MGAT4C: variants seen among roughly 807,000 people sequenced by gnomAD.
MGAT4C encodes MGAT4 family member C.
A neutral mutation model predicts 40.1 loss-of-function variants in MGAT4C; 19 were observed. That is an observed-to-expected ratio of 0.47 (90% CI 0.33 to 0.70). The LOEUF (loss-of-function observed/expected upper bound fraction) is 0.70, where lower values mean the gene tolerates loss of function less well. MGAT4C is among the 30% of genes least tolerant of loss of function. MGAT4C has a pLI of 0.02. For synonymous variants in MGAT4C, 181 were observed against 187.1 expected, an observed-to-expected ratio of 0.97 and a Z score of 0.27; for missense variants, 491 against 563.2, an observed-to-expected ratio of 0.87 and a Z score of 1.30.
chr12:86,526,494 CTCTCTGCTGG>C (rs1958885522), intron 2 of MGAT4C, among the ~76,000 whole-genome samples: 1 of 152,044 alleles, frequency 6.6e-6, no homozygotes, highest in Non-Finnish European at 1.5e-5. Context: ...CCTGCTGGAG[CTCTCTGCTGG>C]TCAGGAATGG....
In MGAT4C at chr12:86,472,127, G is replaced by A. The variant is rs111342259; in HGVS notation, c.-228-36862C>T. Among the ~76,000 whole-genome samples, 495 of 152,146 alleles carry A rather than the reference G, an allele frequency of 3.3e-3. 2 individuals carry two copies. The highest frequency in any genetic ancestry group is 0.012 in the African/African-American group (478 of 41,496). ...AATTTTTAAAAATGTTCCCATTAGG[G>A]CACCAATTGTAGGATGGAGTGGAAT... On this transcript the variant is annotated intron_variant, in intron 2 of 7. Coordinates refer to the MGAT4C transcript ENST00000548651.
chr12:86,093,027 C>T (rs1873167990), intron 1 of MGAT4C, among the ~76,000 whole-genome samples: 1 of 151,948 alleles, frequency 6.6e-6, no homozygotes, highest in Non-Finnish European at 1.5e-5. Flanking sequence ...CTTGACAGAC[C>T]CCTGTGTGTG....
intron 2 of MGAT4C, among the ~76,000 whole-genome samples, chr12:86,527,083 T>G (rs1363334952): frequency 1.3e-5 from 2 of 152,156 alleles, no homozygotes; most frequent in African/African-American, 4.8e-5. Context: ...TTGTTATGAG[T>G]GCACAAGTCA....
chr12:86,508,745 G>A (rs1486376181), intron 2 of MGAT4C, among the ~76,000 whole-genome samples: 16 of 147,930 alleles, frequency 1.1e-4, no homozygotes, highest in African/African-American at 3.7e-4. Context: ...TTTAATGATC[G>A]CCATTCTAAC....
Position 86,600,558 on chromosome 12 carries a change from A to C in MGAT4C, c.-229+126651T>G, listed in dbSNP as rs374701528. On this transcript the variant is annotated intron_variant, in intron 2 of 7. Coordinates refer to the MGAT4C transcript ENST00000548651. ...ACTGGGCTGTGATCTTCAGCAGCCTATCTCTGGAGACTGGGCTCTTAGCCA... is the reference window on the plus strand; with the variant it reads ...ACTGGGCTGTGATCTTCAGCAGCCTCTCTCTGGAGACTGGGCTCTTAGCCA... Among the ~76,000 whole-genome samples, 6 of 152,198 alleles carry C rather than the reference A, an allele frequency of 3.9e-5. No individual in the cohort carries two copies. The East Asian group carries it at 7.7e-4, about 20-fold the overall frequency.
intron 2 of MGAT4C, among the ~76,000 whole-genome samples, chr12:86,683,446 T>C (rs939021713): frequency 6.6e-6 from 1 of 152,206 alleles, no homozygotes; most frequent in Non-Finnish European, 1.5e-5. Flanking sequence ...TTAAATTTTA[T>C]TGTCTATCCT....
At chr12:86,721,894 A>G (rs1015874200) in intron 2 of MGAT4C, among the ~76,000 whole-genome samples, 7 of 152,092 alleles carry the variant, frequency 4.6e-5, no homozygotes, top group Admixed American at 3.9e-4. Flanking sequence ...CAAATCTGTG[A>G]TTGCGACATT....
intron 3 of MGAT4C, among the ~76,000 whole-genome samples, chr12:86,421,294 A>G (rs1308805786): frequency 1.3e-5 from 2 of 152,196 alleles, no homozygotes; most frequent in Admixed American, 6.5e-5. Flanking sequence ...CTTGCTGGTA[A>G]AGTGACATTT....
chr12:86,096,182 G>A (rs184682954), intron 1 of MGAT4C, among the ~76,000 whole-genome samples: 314 of 151,612 alleles, frequency 2.1e-3, no homozygotes, highest in African/African-American at 7.2e-3. Flanking sequence ...CATCATTTTT[G>A]CCTTAATGCC....
At position 86,228,479 on chromosome 12, in the gene MGAT4C, A is replaced by G. The variant is rs11103894; in HGVS notation, c.-57+27760T>C. Reference sequence around the variant, plus strand: ...AAATATATTTGGTTTGAAATAAGAAAACACCCTTCAAACACAAAGAGAGTT... The same window carrying G: ...AAATATATTTGGTTTGAAATAAGAAGACACCCTTCAAACACAAAGAGAGTT... On this transcript the variant is annotated intron_variant, in intron 1 of 4. Coordinates refer to ENST00000611864, the MANE Select transcript of MGAT4C (RefSeq NM_001351288.2). Among the ~76,000 whole-genome samples the G allele has an allele frequency of 7.3e-3, 1,106 of 151,978 alleles. 64 individuals carry two copies. The East Asian group carries it at 0.16, about 22-fold the overall frequency.
chr12:85,972,215 A>C lies in MGAT4C; in HGVS notation c.*7074T>G, dbSNP rs1883652365. ...GTAAAGATGCCACATGCAACAGAAAATGTGTCTAATTATGTTTGTTTTAGA... is the reference window on the plus strand; with the variant it reads ...GTAAAGATGCCACATGCAACAGAAACTGTGTCTAATTATGTTTGTTTTAGA... On this transcript the variant is annotated 3_prime_UTR_variant, in exon 5 of 5. Coordinates refer to ENST00000611864, the MANE Select transcript of MGAT4C (RefSeq NM_001351288.2). The C allele has an allele frequency of 6.6e-6, 1 of 151,114 alleles. No homozygotes were observed. 9.4% of individuals were successfully genotyped at this position (151,114 alleles called of 1,614,324 possible).
chr12:86,474,621 G>T (rs1957805962), intron 2 of MGAT4C, among the ~76,000 whole-genome samples: 1 of 151,896 alleles, frequency 6.6e-6, no homozygotes, highest in Admixed American at 6.6e-5. Context: ...ATCTGGGGAG[G>T]TTAAACTGAT....
At chr12:86,670,815 T>C (rs1260301522) in intron 2 of MGAT4C, among the ~76,000 whole-genome samples, 1 of 152,200 alleles carries the variant, frequency 6.6e-6, no homozygotes, top group Non-Finnish European at 1.5e-5. Flanking sequence ...TTTTCCCATT[T>C]TTCCAGAGTG....
intron 2 of MGAT4C, among the ~76,000 whole-genome samples, chr12:86,510,537 C>G (rs548317104): frequency 1.8e-4 from 28 of 152,238 alleles, no homozygotes; most frequent in Middle Eastern, 3.4e-3. Context: ...TTAAAAGACA[C>G]AGACTGGCAA....
At chr12:86,152,511 A>ATACTATTG (rs1884420123) in intron 1 of MGAT4C, among the ~76,000 whole-genome samples, 1 of 152,216 alleles carries the variant, frequency 6.6e-6, no homozygotes, top group East Asian at 1.9e-4. Flanking sequence ...TCACATCTTA[A>ATACTATTG]TACTATTGTA....
At chr12:86,354,412 C>A (rs1352279612) in intron 3 of MGAT4C, among the ~76,000 whole-genome samples, 1 of 152,094 alleles carries the variant, frequency 6.6e-6, no homozygotes, top group Non-Finnish European at 1.5e-5. Flanking sequence ...AATTAAGAAA[C>A]AATGACCTTA....
chr12:86,751,656 A>C (rs1951233030), intron 1 of MGAT4C, among the ~76,000 whole-genome samples: 1 of 152,040 alleles, frequency 6.6e-6, no homozygotes, highest in South Asian at 2.1e-4. Flanking sequence ...GAACTTCTTT[A>C]TAGAAATACA....
At chr12:86,773,612 A>C (rs1469408746) in intron 1 of MGAT4C, among the ~76,000 whole-genome samples, 3 of 152,150 alleles carry the variant, frequency 2.0e-5, no homozygotes, top group Non-Finnish European at 4.4e-5. Flanking sequence ...AAGGAAATAG[A>C]AAATTTGATA....
At chr12:86,158,673 C>A (rs1464751843) in intron 1 of MGAT4C, among the ~76,000 whole-genome samples, 1 of 152,014 alleles carries the variant, frequency 6.6e-6, no homozygotes, top group Non-Finnish European at 1.5e-5. Context: ...CAATGAAGGT[C>A]ATATGTAAGT....
Sources: allele counts gnomAD v4.1 joint callset (sites outside exome capture counted in the v4.1 genomes callset), GRCh38; gene constraint gnomAD v4.1.1; transcripts MANE v1.5; gene names NCBI Gene and HGNC (gene_info 2026-07-23, HGNC 2026-07-21).